WDFY3: variants seen among roughly 807,000 people sequenced by gnomAD.
WDFY3 encodes WD repeat and FYVE domain containing 3.
WDFY3 carries 66 observed loss-of-function variants against 409.6 expected under a neutral mutation model. That is an observed-to-expected ratio of 0.16 (90% CI 0.13 to 0.20). WDFY3 has a LOEUF of 0.20. Among genes scored for constraint, WDFY3 ranks in the 10% least tolerant of loss-of-function variants. The pLI is 1.00. For missense variants in WDFY3, 3,031 were observed against 4,298.1 expected (o/e 0.71, Z 8.24); for synonymous variants, 1,521 against 1,537.1 (o/e 0.99, Z 0.25).
At chr4:84,762,528 G>A (rs938780055) in intron 32 of WDFY3, among the ~76,000 whole-genome samples, 12 of 151,286 alleles carry the variant, frequency 7.9e-5, no homozygotes, top group Non-Finnish European at 1.6e-4. Context: ...ACGAATTAGT[G>A]GGTGCAGCAC....
Position 84,867,981 on chromosome 4 carries a change from C to T in WDFY3, c.-31-7359G>A, listed in dbSNP as rs541431109. On this transcript the variant is annotated intron_variant, in intron 3 of 67. Coordinates refer to ENST00000295888, the MANE Select transcript of WDFY3 (RefSeq NM_014991.6). ...GTCAAGAGATCAAGATCATCCTGGC[C>T]AACATGGTGAAACCCTGTCTCTACT... 9.2e-5 allele frequency among the ~76,000 whole-genome samples: 14 copies of T among 151,694 alleles called. No individual in the cohort carries two copies. In the East Asian group the frequency reaches 9.7e-4, roughly 11 times the overall value.
In WDFY3 at chr4:84,716,312, G is replaced by A. The variant is rs551312617; in HGVS notation, c.7875+584C>T. On this transcript the variant is annotated intron_variant, in intron 49 of 67. Transcript: ENST00000295888. ...AAATTAGCTGGGCGTGGTGGCAGGC[G>A]CCTCTAGTCCCAGCTATGCAGGAGG... Among the ~76,000 whole-genome samples the A allele has an allele frequency of 2.3e-4, 35 of 151,454 alleles. No homozygotes were observed. The South Asian group carries it at 2.7e-3, about 12-fold the overall frequency.
At chr4:84,786,723 G>C (rs1208849508) in intron 23 of WDFY3, among the ~76,000 whole-genome samples, 8 of 152,162 alleles carry the variant, frequency 5.3e-5, no homozygotes, top group Admixed American at 5.2e-4. Flanking sequence ...ACAGTGTTTT[G>C]AGATGAATAA....
chr4:84,923,770 A>G (rs1367546598), intron 2 of WDFY3, among the ~76,000 whole-genome samples: 1 of 152,164 alleles, frequency 6.6e-6, no homozygotes, highest in Non-Finnish European at 1.5e-5. Flanking sequence ...AGGCTGAGGC[A>G]GGTGGATCAC....
intron 3 of WDFY3, among the ~76,000 whole-genome samples, chr4:84,862,474 A>C (rs1404118830): frequency 6.6e-6 from 1 of 152,236 alleles, no homozygotes; most frequent in Non-Finnish European, 1.5e-5. Flanking sequence ...TATTTCAACA[A>C]ATATGTTCCA....
intron 36 of WDFY3, among the ~76,000 whole-genome samples, chr4:84,746,898 A>G (rs1234650233): frequency 6.6e-6 from 1 of 151,978 alleles, no homozygotes; most frequent in Non-Finnish European, 1.5e-5. Flanking sequence ...TAGGATTCAA[A>G]TCTCAGTTTC....
At chr4:84,685,883 A>G (rs1254797163) in intron 62 of WDFY3, among the ~76,000 whole-genome samples, 1 of 152,196 alleles carries the variant, frequency 6.6e-6, no homozygotes, top group Non-Finnish European at 1.5e-5. Context: ...TTAAGTTAAG[A>G]ACAACCCCAA....
In WDFY3 at chr4:84,850,010, G is replaced by A. The variant is rs1203846599; in HGVS notation, c.196C>T (p.Pro66Ser). ...AATTTTTCTGTCATTGTATTCGGCG[G>A]AGCATTTCCAAAAACCTGTAGATAA... The part of the protein sequence containing the change: ...PVFNRVFGNA[P>S]PNTMTEKFSD... Residue 66 changes from proline (P) to serine (S), a missense_variant, in exon 5 of 68, where the codon CCG (proline) becomes TCG (serine). Coordinates refer to ENST00000295888, the MANE Select transcript of WDFY3 (RefSeq NM_014991.6). The A allele has an allele frequency of 1.9e-6, 3 of 1,593,672 alleles. No individual in the cohort carries two copies. Among genetic ancestry groups the A allele is most frequent in the East Asian group, 2.3e-5 (1 of 44,086 alleles).
chr4:84,701,160 T>C, intron 56 of WDFY3, among the ~76,000 whole-genome samples: 1 of 152,216 alleles, frequency 6.6e-6, no homozygotes, highest in East Asian at 1.9e-4. Flanking sequence ...ATAGCAGGTA[T>C]TTGTTGATTG....
chr4:84,692,860 A>G, intron 59 of WDFY3, 25 bp downstream of exon 59: 2 of 1,571,542 alleles, frequency 1.3e-6, no homozygotes, highest in African/African-American at 2.8e-5. Flanking sequence ...ATCATTAATC[A>G]AAAGTTTATT....
At chr4:84,776,031 A>C (rs1745489364) in intron 27 of WDFY3, among the ~76,000 whole-genome samples, 1 of 152,084 alleles carries the variant, frequency 6.6e-6, no homozygotes. Flanking sequence ...GAATGCTATA[A>C]ATACTATATA....
At chr4:84,766,403 C>A in intron 30 of WDFY3, 31 bp from the exon 31 acceptor site, 2 of 1,549,896 alleles carry the variant, frequency 1.3e-6, no homozygotes, top group South Asian at 1.2e-5. Flanking sequence ...TTAAATCTCC[C>A]TAGTAGATAA....
chr4:84,951,658 T>C (rs967715940), intron 1 of WDFY3, among the ~76,000 whole-genome samples: 1 of 152,186 alleles, frequency 6.6e-6, no homozygotes. Flanking sequence ...ACGTAAGCCA[T>C]GCCCGATGTT....
At chr4:84,829,941 C>T (rs143351555) in intron 8 of WDFY3, among the ~76,000 whole-genome samples, 11 of 151,820 alleles carry the variant, frequency 7.2e-5, no homozygotes, top group African/African-American at 2.4e-4. Flanking sequence ...TAGTTTAAAA[C>T]ACAGTTATAT....
chr4:84,836,275 A>C (rs1368641789), intron 7 of WDFY3, among the ~76,000 whole-genome samples: 1 of 152,114 alleles, frequency 6.6e-6, no homozygotes, highest in Non-Finnish European at 1.5e-5. Context: ...TTTGTGTCAA[A>C]TGTTGTTTTT....
At chr4:84,676,497 T>A (rs1726322028) in intron 67 of WDFY3, among the ~76,000 whole-genome samples, 1 of 152,118 alleles carries the variant, frequency 6.6e-6, no homozygotes, top group South Asian at 2.1e-4. Flanking sequence ...CTGTGTTCTA[T>A]CAATTTCATT....
intron 2 of WDFY3, among the ~76,000 whole-genome samples, chr4:84,899,999 G>T (rs549326010): frequency 6.6e-6 from 1 of 152,266 alleles, no homozygotes; most frequent in African/African-American, 2.4e-5. Flanking sequence ...CATGCAATGT[G>T]ACTGTGCCAC....
chr4:84,814,371 C>T (rs536722920), intron 13 of WDFY3, among the ~76,000 whole-genome samples: 2 of 152,262 alleles, frequency 1.3e-5, no homozygotes, highest in East Asian at 1.9e-4. Context: ...CTGTTCTTTG[C>T]GGAGAATGCT....
intron 3 of WDFY3, among the ~76,000 whole-genome samples, chr4:84,867,910 C>T (rs1353677816): frequency 6.6e-6 from 1 of 152,044 alleles, no homozygotes; most frequent in Non-Finnish European, 1.5e-5. Context: ...GTGGCTCACG[C>T]CTGTAATCCC....
Sources: gnomAD v4.1 joint callset for allele counts (sites outside exome capture counted in the v4.1 genomes callset) on GRCh38, gnomAD v4.1.1 for gene constraint, MANE v1.5 for transcripts, NCBI Gene and HGNC (gene_info 2026-07-23, HGNC 2026-07-21) for gene names.